AMDHD2: variants seen among roughly 807,000 people sequenced by gnomAD.
AMDHD2 encodes N-acetylglucosamine-6-phosphate deacetylase.
Under a neutral mutation model 41.8 loss-of-function variants are expected in AMDHD2, and 24 were observed. The observed-to-expected ratio is 0.57, with a 90% CI of 0.42 to 0.81. The LOEUF (loss-of-function observed/expected upper bound fraction) is 0.81, where lower values mean the gene tolerates loss of function less well. AMDHD2 is among the 30% of genes least tolerant of loss of function. The probability of loss-of-function intolerance (pLI) is 0.00; values close to 1 mark genes in which losing one functional copy is unlikely to be tolerated. For missense variants in AMDHD2, 540 were observed against 588.5 expected (o/e 0.92, Z 0.85); for synonymous variants, 332 against 255.5 (o/e 1.30, Z -2.85).
rs554237398 is a variant in AMDHD2 at position 2,521,674 on chromosome 16, C to T, written c.360+551C>T. On this transcript the variant is annotated intron_variant, in intron 3 of 10. Coordinates refer to ENST00000293971, the MANE Select transcript of AMDHD2 (RefSeq NM_001330449.2). Reference sequence around the variant, plus strand: ...TAGGTTCTACAGGGTTAACTTTTTGCTGTATGTTACTACTATTCAGGCTCC... The same window carrying T: ...TAGGTTCTACAGGGTTAACTTTTTGTTGTATGTTACTACTATTCAGGCTCC... Among the ~76,000 whole-genome samples the T allele has an allele frequency of 9.3e-5, 14 of 151,164 alleles. 1 individual carries two copies. The South Asian group carries it at 2.5e-3, about 27-fold the overall frequency.
rs2066060677 is a variant in AMDHD2, at chr16:2,529,767, G to A, written c.*204G>A. 2.1e-6 allele frequency: 3 copies of A among 1,433,466 alleles called. No homozygotes were observed. The highest frequency in any genetic ancestry group is 2.7e-5 in the Admixed American group (1 of 36,944). 88.8% of individuals were successfully genotyped at this position (1,433,466 alleles called of 1,614,324 possible). A position where few individuals can be genotyped will look rare whatever the true frequency, so the allele number is the denominator to read the frequency against. On this transcript the variant is annotated 3_prime_UTR_variant, in exon 11 of 11. Transcript: ENST00000293971. Reference sequence around the variant, plus strand: ...CTCCGGGTTTTGCTTGTGCTCACATGTGGCACCATCCTTGGTTGCCCTCCT... The same window carrying A: ...CTCCGGGTTTTGCTTGTGCTCACATATGGCACCATCCTTGGTTGCCCTCCT...
At chr16:2,522,268 G>A (rs2065950885) in intron 3 of AMDHD2, among the ~76,000 whole-genome samples, 1 of 152,170 alleles carries the variant, frequency 6.6e-6, no homozygotes, top group African/African-American at 2.4e-5. Flanking sequence ...ATTTTTTGTA[G>A]AGAAAGTCTC....
intron 3 of AMDHD2, among the ~76,000 whole-genome samples, chr16:2,522,844 C>CT (rs77502200): frequency 0.039 from 5,273 of 135,030 alleles, 332 homozygotes; most frequent in African/African-American, 0.12. Context: ...TAGTACTTAA[C>CT]TTTTTTTTTT....
rs1597001402 is a variant in AMDHD2, at chr16:2,530,211, TTC to T, written c.*650_*651del. The T allele has an allele frequency of 6.5e-7, 1 of 1,530,982 alleles. No homozygotes were observed. The highest frequency in any genetic ancestry group is 8.8e-7 in the Non-Finnish European group (1 of 1,138,658). The allele number at this position is 1,530,982 out of a possible 1,614,324, so 94.8% of individuals were successfully genotyped here. A position where few individuals can be genotyped will look rare whatever the true frequency, so the allele number is the denominator to read the frequency against. On this transcript the variant is annotated 3_prime_UTR_variant, in exon 11 of 11. Coordinates refer to ENST00000293971, the MANE Select transcript of AMDHD2 (RefSeq NM_001330449.2). Reference sequence around the variant, plus strand: ...CCCTGAGTGCCACGGATGACCAGCGTTCTGTTTTCTCTTCTCAATAACCCTAT... The same window carrying T: ...CCCTGAGTGCCACGGATGACCAGCGTTGTTTTCTCTTCTCAATAACCCTAT...
chr16:2,522,907 G>C (rs2141901087), intron 3 of AMDHD2, among the ~76,000 whole-genome samples: 1 of 148,872 alleles, frequency 6.7e-6, no homozygotes, highest in African/African-American at 2.5e-5. Context: ...GCAGTGGTGC[G>C]ATCTCGGCTC....
At chr16:2,523,070 C>G (rs1425667607) in intron 3 of AMDHD2, among the ~76,000 whole-genome samples, 4 of 152,006 alleles carry the variant, frequency 2.6e-5, no homozygotes, top group Non-Finnish European at 5.9e-5. Context: ...TCTTGAAATC[C>G]TGACCTCACG....
Position 2,530,899 on chromosome 16 carries a change from CCG to C in AMDHD2, c.*1340_*1341del. On this transcript the variant is annotated 3_prime_UTR_variant, in exon 11 of 11. Coordinates refer to ENST00000293971, the MANE Select transcript of AMDHD2 (RefSeq NM_001330449.2). Reference sequence around the variant, plus strand: ...GGGATACCCACCTCTGCCTTGACGGCCGCGCACCCCTTAGGAAGTGGCTGTCC... The same window carrying C: ...GGGATACCCACCTCTGCCTTGACGGCCGCACCCCTTAGGAAGTGGCTGTCC... 1 of 1,613,546 alleles carries C rather than the reference CCG, an allele frequency of 6.2e-7. No individual in the cohort carries two copies. The highest frequency in any genetic ancestry group is 8.5e-7 in the Non-Finnish European group (1 of 1,179,994).
At position 2,529,685 on chromosome 16, in the gene AMDHD2, C is replaced by G. The variant is rs1220894605; in HGVS notation, c.*122C>G. 6.6e-7 allele frequency: 1 copy of G among 1,516,924 alleles called. No individual in the cohort carries two copies. Among genetic ancestry groups the G allele is most frequent in the East Asian group, 2.4e-5 (1 of 41,450 alleles). The allele number at this position is 1,516,924 out of a possible 1,614,324, so 94.0% of individuals were successfully genotyped here. A position where few individuals can be genotyped will look rare whatever the true frequency, so the allele number is the denominator to read the frequency against. ...GCTGGATTGATGCCCAGGGCCTGTG[C>G]GGCCGCCCTGGAGGCGGTGGCTGGG... On this transcript the variant is annotated 3_prime_UTR_variant, in exon 11 of 11. Transcript: ENST00000293971.
chr16:2,526,006 C>G (rs909799818), intron 3 of AMDHD2, among the ~76,000 whole-genome samples: 1 of 152,216 alleles, frequency 6.6e-6, no homozygotes, highest in Admixed American at 6.5e-5. Context: ...CCATCCTATT[C>G]TTGTTTCAGG....
In AMDHD2 at chr16:2,530,091, T is replaced by G; in HGVS notation, c.*528T>G. On this transcript the variant is annotated 3_prime_UTR_variant, in exon 11 of 11. Coordinates refer to ENST00000293971, the MANE Select transcript of AMDHD2 (RefSeq NM_001330449.2). ...GTGCAGCGTGGAGCCCACAGCCTGG[T>G]TCTGGGCCAGGGCACAGTGCCAGGG... The G allele has an allele frequency of 9.2e-7, 1 of 1,084,040 alleles. No individual in the cohort carries two copies. The highest frequency in any genetic ancestry group is 1.7e-5 in the South Asian group (1 of 59,528). 67.2% of individuals were successfully genotyped at this position (1,084,040 alleles called of 1,614,324 possible). A position where few individuals can be genotyped will look rare whatever the true frequency, so the allele number is the denominator to read the frequency against.
chr16:2,530,636 C>T lies in AMDHD2; in HGVS notation c.*1073C>T, dbSNP rs775092195. On this transcript the variant is annotated 3_prime_UTR_variant, in exon 11 of 11. Coordinates refer to ENST00000293971, the MANE Select transcript of AMDHD2 (RefSeq NM_001330449.2). ...GCCTGGCTCTGCCACTGTTCTCTTCCCTCTGCTGCAAAGCCCAGTTAAGGA... is the reference window on the plus strand; with the variant it reads ...GCCTGGCTCTGCCACTGTTCTCTTCTCTCTGCTGCAAAGCCCAGTTAAGGA... The T allele has an allele frequency of 2.5e-6, 4 of 1,614,230 alleles. No homozygotes were observed. The South Asian group carries it at 3.3e-5, about 13-fold the overall frequency.
chr16:2,527,585 AGTG>A lies in AMDHD2; in HGVS notation c.391_393del (p.Gly131del). 1 of 1,613,154 alleles carries A rather than the reference AGTG, an allele frequency of 6.2e-7. No homozygotes were observed. The highest frequency in any genetic ancestry group is 8.5e-7 in the Non-Finnish European group (1 of 1,179,694). ...GGTTGTTCCTCAGATCCCTGTGAAGAGTGGTGGTCCCCATGGGGCAGGGGTCCT... is the reference window on the plus strand; with the variant it reads ...GGTTGTTCCTCAGATCCCTGTGAAGAGTGGTCCCCATGGGGCAGGGGTCCT... On this transcript the variant is annotated inframe_deletion, in exon 4 of 11. Coordinates refer to ENST00000293971, the MANE Select transcript of AMDHD2 (RefSeq NM_001330449.2). This position sits in a 1 kb window ranked among gnomAD's most constrained non-coding sequence, Gnocchi z 6.1.
chr16:2,523,091 C>T (rs181297999), intron 3 of AMDHD2, among the ~76,000 whole-genome samples: 1 of 152,294 alleles, frequency 6.6e-6, no homozygotes, highest in Non-Finnish European at 1.5e-5. Flanking sequence ...ATCTGCCCAT[C>T]TCAGCCTCCC....
rs2066092800 is a variant in AMDHD2, at chr16:2,531,267, G to A, written c.*1704G>A. 2 of 654,528 alleles carry A rather than the reference G, an allele frequency of 3.1e-6. No homozygotes were observed. The highest frequency in any genetic ancestry group is 3.1e-5 in the Admixed American group (1 of 32,420). The allele number at this position is 654,528 out of a possible 1,614,324, so 40.5% of individuals were successfully genotyped here. ...TGGTCCACAGGGCTAGCCCTGGGTG[G>A]TGGGAGAGGGGCCCAGGGTCAGGGT... On this transcript the variant is annotated 3_prime_UTR_variant, in exon 11 of 11. Transcript: ENST00000293971.
In AMDHD2 at chr16:2,530,475, G is replaced by A; in HGVS notation, c.*912G>A. The stretch of plus-strand genomic sequence containing the variant: ...CCTCTTGGCTCTGAGGACAGCCACA[G>A]TGGGGTCAGACGTCAGGGATTGGTG... On this transcript the variant is annotated 3_prime_UTR_variant, in exon 11 of 11. Coordinates refer to ENST00000293971, the MANE Select transcript of AMDHD2 (RefSeq NM_001330449.2). 1 of 1,614,182 alleles carries A rather than the reference G, an allele frequency of 6.2e-7. No homozygotes were observed. Among genetic ancestry groups the A allele is most frequent in the Non-Finnish European group, 8.5e-7 (1 of 1,180,018 alleles).
At position 2,529,716 on chromosome 16, in the gene AMDHD2, C is replaced by T. The variant is rs980713498; in HGVS notation, c.*153C>T. On this transcript the variant is annotated 3_prime_UTR_variant, in exon 11 of 11. Coordinates refer to ENST00000293971, the MANE Select transcript of AMDHD2 (RefSeq NM_001330449.2). ...CCCTGGAGGCGGTGGCTGGGATAAACGTGCACCCAGCAGGACTCGCCTTGG... is the reference window on the plus strand; with the variant it reads ...CCCTGGAGGCGGTGGCTGGGATAAATGTGCACCCAGCAGGACTCGCCTTGG... 5.2e-5 allele frequency: 76 copies of T among 1,470,170 alleles called. No individual in the cohort carries two copies. Among genetic ancestry groups the T allele is most frequent in the Non-Finnish European group, 6.5e-5 (72 of 1,111,108 alleles). The allele number at this position is 1,470,170 out of a possible 1,614,324, so 91.1% of individuals were successfully genotyped here. A position where few individuals can be genotyped will look rare whatever the true frequency, so the allele number is the denominator to read the frequency against.
At chr16:2,528,774 G>A in intron 9 of AMDHD2, 56 bp downstream of exon 9, 15 of 1,597,540 alleles carry the variant, frequency 9.4e-6, no homozygotes, top group Non-Finnish European at 1.3e-5. Flanking sequence ...GGGTCCCCAA[G>A]GGGCTGGACC....
intron 3 of AMDHD2, among the ~76,000 whole-genome samples, chr16:2,521,679 T>TGTAAA (rs1444754398): frequency 6.6e-6 from 1 of 152,190 alleles, no homozygotes; most frequent in Non-Finnish European, 1.5e-5. Context: ...TTTTGCTGTA[T>TGTAAA]GTTACTACTA....
chr16:2,524,019 A>T (rs1301924361), intron 3 of AMDHD2, among the ~76,000 whole-genome samples: 3 of 152,200 alleles, frequency 2.0e-5, no homozygotes, highest in Non-Finnish European at 4.4e-5. Flanking sequence ...TCTTCCCAGC[A>T]TGCACTGCAG....
Sources: allele counts gnomAD v4.1 joint callset (sites outside exome capture counted in the v4.1 genomes callset), GRCh38; gene constraint gnomAD v4.1.1; non-coding constraint Gnocchi (gnomAD v3.1); transcripts MANE v1.5; gene names NCBI Gene and HGNC (gene_info 2026-07-23, HGNC 2026-07-21).